The following RPA3 variants were observed in gnomAD, a reference collection of about 807,000 sequenced individuals.
The protein encoded by RPA3 is replication protein A3.
A neutral mutation model predicts 13.7 loss-of-function variants in RPA3; 24 were observed. The ratio of observed to expected loss-of-function variants is 1.75; its 90% CI spans 1.27 to 2.46. The LOEUF (loss-of-function observed/expected upper bound fraction) is 2.46, where lower values mean the gene tolerates loss of function less well. RPA3 is among the 30% of genes most tolerant of loss of function. RPA3 has a pLI of 0.00. For synonymous variants in RPA3, 59 were observed against 51.2 expected, an observed-to-expected ratio of 1.15 and a Z score of -0.65; for missense variants, 183 against 151.0, an observed-to-expected ratio of 1.21 and a Z score of -1.11.
intron 4 of RPA3, among the ~76,000 whole-genome samples, chr7:7,665,667 T>C (rs1779427347): frequency 6.6e-6 from 1 of 152,198 alleles, no homozygotes; most frequent in Admixed American, 6.5e-5. Context: ...TACTCCCTTG[T>C]CATCCCTCCT....
chr7:7,710,829 T>C (rs1167212984), intron 2 of RPA3, among the ~76,000 whole-genome samples: 1 of 152,170 alleles, frequency 6.6e-6, no homozygotes, highest in African/African-American at 2.4e-5. Flanking sequence ...CTATGGTATA[T>C]CTATATCATG....
intron 4 of RPA3, among the ~76,000 whole-genome samples, chr7:7,649,158 CAAA>C (rs34943326): frequency 2.0e-4 from 26 of 128,854 alleles, no homozygotes; most frequent in South Asian, 4.8e-4. Flanking sequence ...GACTCCATCT[CAAA>C]AAAAAAAAAA....
intron 1 of RPA3, among the ~76,000 whole-genome samples, chr7:7,715,738 G>A (rs1420132914): frequency 2.6e-5 from 4 of 152,156 alleles, no homozygotes; most frequent in Non-Finnish European, 4.4e-5. Flanking sequence ...ATGAATCAGA[G>A]TATGTAAAGA....
intron 4 of RPA3, among the ~76,000 whole-genome samples, chr7:7,666,244 C>T (rs1779453167): frequency 6.6e-6 from 1 of 152,068 alleles, no homozygotes; most frequent in South Asian, 2.1e-4. Context: ...AGCCCTGTCA[C>T]CCAGGCTGGA....
chr7:7,710,673 C>T (rs574912219), intron 2 of RPA3, among the ~76,000 whole-genome samples: 9 of 152,266 alleles, frequency 5.9e-5, no homozygotes, highest in African/African-American at 1.4e-4. Context: ...AGTTACTATA[C>T]GACTCAGCAA....
intron 2 of RPA3, among the ~76,000 whole-genome samples, chr7:7,713,478 T>C (rs1780817187): frequency 6.6e-6 from 1 of 151,818 alleles, no homozygotes; most frequent in African/African-American, 2.4e-5. Flanking sequence ...CTCCCCCCCA[T>C]GGCAATATTG....
chr7:7,680,111 T>G (rs1447672173), intron 4 of RPA3, among the ~76,000 whole-genome samples: 2 of 152,156 alleles, frequency 1.3e-5, no homozygotes, highest in African/African-American at 4.8e-5. Context: ...CAAGAAATCT[T>G]TGTTCAGATT....
At chr7:7,692,004 A>G (rs1192245264) in intron 2 of RPA3, among the ~76,000 whole-genome samples, 2 of 152,188 alleles carry the variant, frequency 1.3e-5, no homozygotes, top group Non-Finnish European at 2.9e-5. Context: ...ACTGAGGTGA[A>G]GTTAGATTGA....
At chr7:7,641,266 T>C (rs1487806433) in intron 4 of RPA3, 91 bp from the exon 5 acceptor site, 2 of 152,270 alleles carry the variant, frequency 1.3e-5, no homozygotes, top group African/African-American at 4.8e-5. Flanking sequence ...TTCACCCCGC[T>C]AACCCCTCCG....
chr7:7,688,869 G>C (rs1780102471), intron 2 of RPA3, among the ~76,000 whole-genome samples: 1 of 152,060 alleles, frequency 6.6e-6, no homozygotes, highest in African/African-American at 2.4e-5. Context: ...TTAATATTTG[G>C]TTAGAAAACT....
At chr7:7,670,844 C>T (rs946384358) in intron 4 of RPA3, among the ~76,000 whole-genome samples, 1 of 152,202 alleles carries the variant, frequency 6.6e-6, no homozygotes, top group Non-Finnish European at 1.5e-5. Context: ...AGCAATTCTG[C>T]AATTCCACAG....
chr7:7,661,405 T>G (rs995001941), intron 4 of RPA3, among the ~76,000 whole-genome samples: 1 of 152,194 alleles, frequency 6.6e-6, no homozygotes, highest in Non-Finnish European at 1.5e-5. Flanking sequence ...TTTTTGGAAT[T>G]TTCCGCCTTT....
chr7:7,704,048 T>G (rs1162571799), intron 2 of RPA3, among the ~76,000 whole-genome samples: 1 of 152,178 alleles, frequency 6.6e-6, no homozygotes, highest in Admixed American at 6.6e-5. Context: ...GGAGATACTT[T>G]GATGGAATCC....
chr7:7,663,097 C>T (rs1256491854), intron 4 of RPA3, among the ~76,000 whole-genome samples: 1 of 151,720 alleles, frequency 6.6e-6, no homozygotes, highest in Non-Finnish European at 1.5e-5. Flanking sequence ...GTTTATAAAG[C>T]ATTAGTTACC....
chr7:7,715,983 T>C (rs986181893), intron 1 of RPA3, among the ~76,000 whole-genome samples: 2 of 152,234 alleles, frequency 1.3e-5, no homozygotes, highest in African/African-American at 4.8e-5. Context: ...GTTGTATATT[T>C]GTTTTTAAGT....
chr7:7,645,379 G>C (rs1303358030), intron 4 of RPA3, among the ~76,000 whole-genome samples: 1 of 152,194 alleles, frequency 6.6e-6, no homozygotes, highest in Non-Finnish European at 1.5e-5. Flanking sequence ...TACTTATGTG[G>C]TAGTGCACTA....
In RPA3 at chr7:7,654,382, G is replaced by T. The variant is rs76013433; in HGVS notation, c.-757-13207C>A. ...CTTAGGTGAAGTTGTTAGTTTTCAA[G>T]ATGACTTTATCATATGGATATGGGA... On this transcript the variant is annotated intron_variant, in intron 4 of 7. Coordinates refer to ENST00000223129, the MANE Select transcript of RPA3 (RefSeq NM_002947.5). 3.6e-3 allele frequency among the ~76,000 whole-genome samples: 544 copies of T among 152,312 alleles called. 8 individuals are homozygous for T. The highest frequency in any genetic ancestry group is 0.012 in the African/African-American group (519 of 41,552).
intron 7 of RPA3, 127 bp from the exon 8 acceptor site, chr7:7,637,209 T>C (rs1321730071): frequency 3.0e-5 from 20 of 671,362 alleles, no homozygotes; most frequent in Non-Finnish European, 4.9e-5. Flanking sequence ...AAAATGGAGA[T>C]ATGGATTATG....
intron 2 of RPA3, among the ~76,000 whole-genome samples, chr7:7,704,025 C>A (rs1367831238): frequency 6.6e-6 from 1 of 152,048 alleles, no homozygotes; most frequent in Non-Finnish European, 1.5e-5. Flanking sequence ...TACCTTAGAG[C>A]AACAGTTCTC....
Sources: allele counts gnomAD v4.1 joint callset (sites outside exome capture counted in the v4.1 genomes callset), GRCh38; gene constraint gnomAD v4.1.1; transcripts MANE v1.5; gene names NCBI Gene and HGNC (gene_info 2026-07-23, HGNC 2026-07-21).